The following STON2 variants were observed in gnomAD, a reference collection of about 807,000 sequenced individuals.
STON2 encodes the protein stonin 2.
STON2 carries 29 observed loss-of-function variants against 65.7 expected under a neutral mutation model. The observed-to-expected ratio is 0.44, with a 90% CI of 0.33 to 0.60. The LOEUF (loss-of-function observed/expected upper bound fraction) is 0.60, where lower values mean the gene tolerates loss of function less well. STON2 is among the 20% of genes least tolerant of loss of function. The pLI is 0.03. For synonymous variants in STON2, 404 were observed against 414.2 expected (o/e 0.98, Z 0.30); for missense variants, 1,054 against 1,118.1 (o/e 0.94, Z 0.82).
intron 3 of STON2, among the ~76,000 whole-genome samples, chr14:81,374,586 AG>A (rs1899165379): frequency 1.3e-5 from 2 of 151,308 alleles, no homozygotes; most frequent in African/African-American, 4.9e-5. Flanking sequence ...AAATAAGAAA[AG>A]AAATTAAAAA....
At chr14:81,284,212 G>A (rs1356390767) in intron 5 of STON2, among the ~76,000 whole-genome samples, 2 of 152,184 alleles carry the variant, frequency 1.3e-5, no homozygotes, top group Non-Finnish European at 2.9e-5. Flanking sequence ...GTATTCAGAT[G>A]AAGAGTTATA....
intron 3 of STON2, among the ~76,000 whole-genome samples, chr14:81,375,577 C>A (rs1415775336): frequency 6.6e-6 from 1 of 151,794 alleles, no homozygotes; most frequent in Non-Finnish European, 1.5e-5. Context: ...TAAGAAATGT[C>A]CATCATCATA....
intron 4 of STON2, among the ~76,000 whole-genome samples, chr14:81,350,425 T>C (rs541541460): frequency 6.6e-6 from 1 of 152,128 alleles, no homozygotes; most frequent in African/African-American, 2.4e-5. Flanking sequence ...CTTTTAACTT[T>C]CTGCATGACT....
chr14:81,316,969 G>A (rs1456501555), intron 5 of STON2, among the ~76,000 whole-genome samples: 3 of 152,108 alleles, frequency 2.0e-5, no homozygotes, highest in Non-Finnish European at 4.4e-5. Flanking sequence ...GCAGTGAGCC[G>A]AGATCGCACC....
intron 4 of STON2, among the ~76,000 whole-genome samples, chr14:81,336,851 T>C (rs1566914750): frequency 6.6e-6 from 1 of 152,142 alleles, no homozygotes; most frequent in Non-Finnish European, 1.5e-5. Flanking sequence ...CCAAAGACGC[T>C]GGGCAGAGAG....
chr14:81,328,187 A>G (rs1193096332), intron 4 of STON2, among the ~76,000 whole-genome samples: 1 of 152,146 alleles, frequency 6.6e-6, no homozygotes, highest in East Asian at 1.9e-4. Flanking sequence ...ATATCAAGTG[A>G]GTAACTTCAG....
At chr14:81,370,544 G>A (rs1235496386) in intron 4 of STON2, among the ~76,000 whole-genome samples, 3 of 152,210 alleles carry the variant, frequency 2.0e-5, no homozygotes, top group African/African-American at 7.2e-5. Context: ...CACAGTGGCT[G>A]AGTGTTGATT....
intron 5 of STON2, among the ~76,000 whole-genome samples, chr14:81,309,533 C>G (rs1391093846): frequency 1.3e-5 from 2 of 151,878 alleles, no homozygotes; most frequent in Non-Finnish European, 2.9e-5. Flanking sequence ...TTAATAAATC[C>G]CTAGGTCTAG....
At chr14:81,340,494 G>C (rs1006953006) in intron 4 of STON2, among the ~76,000 whole-genome samples, 15 of 152,306 alleles carry the variant, frequency 9.8e-5, no homozygotes, top group Non-Finnish European at 1.9e-4. Flanking sequence ...AAAATCAGGG[G>C]AGATGAGCAC....
intron 6 of STON2, 46 bp from the exon 7 acceptor site, chr14:81,270,918 G>C: frequency 1.9e-6 from 3 of 1,590,998 alleles, no homozygotes; most frequent in African/African-American, 1.3e-5. Context: ...TGGGGAGAAA[G>C]TGGAAGGAGC....
intron 7 of STON2, among the ~76,000 whole-genome samples, chr14:81,268,856 C>T (rs1894460416): frequency 6.6e-6 from 1 of 152,152 alleles, no homozygotes; most frequent in Non-Finnish European, 1.5e-5. Flanking sequence ...TGTCTGGCTC[C>T]ACTATACCAT....
intron 2 of STON2, among the ~76,000 whole-genome samples, chr14:81,424,184 C>T (rs1901853336): frequency 6.6e-6 from 1 of 152,128 alleles, no homozygotes; most frequent in Non-Finnish European, 1.5e-5. Context: ...TGGCTCATGC[C>T]TATAATCCCA....
chr14:81,265,972 TTAA>T lies in STON2; in HGVS notation c.*2439_*2441del. The T allele has an allele frequency of 1.0e-6, 1 of 985,388 alleles. No individual in the cohort carries two copies. Among genetic ancestry groups the T allele is most frequent in the Non-Finnish European group, 1.2e-6 (1 of 829,920 alleles). The allele number at this position is 985,388 out of a possible 1,614,324, so 61.0% of individuals were successfully genotyped here. A position where few individuals can be genotyped will look rare whatever the true frequency, so the allele number is the denominator to read the frequency against. ...ATCCATTTAGATGTTCTATGAGGAATTAATCTCAAAAGCCTTCAGTACAACAGG... is the reference window on the plus strand; with the variant it reads ...ATCCATTTAGATGTTCTATGAGGAATTCTCAAAAGCCTTCAGTACAACAGG... On this transcript the variant is annotated 3_prime_UTR_variant, in exon 8 of 8. Coordinates refer to ENST00000614646, the MANE Select transcript of STON2 (RefSeq NM_001394390.1).
Position 81,265,024 on chromosome 14 carries a change from G to T in STON2, c.*3390C>A. The T allele has an allele frequency of 4.1e-6, 4 of 978,994 alleles. No homozygotes were observed. Among genetic ancestry groups the T allele is most frequent in the Non-Finnish European group, 3.6e-6 (3 of 824,848 alleles). 60.6% of individuals were successfully genotyped at this position (978,994 alleles called of 1,614,324 possible). The stretch of plus-strand genomic sequence containing the variant: ...GAGTAATACTATGTACTGGTAAAAT[G>T]AATTCATTTTTAATATTTTCACATT... On this transcript the variant is annotated 3_prime_UTR_variant, in exon 8 of 8. Transcript: ENST00000614646.
At chr14:81,269,391 C>T in intron 7 of STON2, 2 of 985,372 alleles carry the variant, frequency 2.0e-6, no homozygotes, top group Non-Finnish European at 2.4e-6. Context: ...CTGCAAAATA[C>T]TGTCACTGTA....
In STON2 at chr14:81,378,408, G is replaced by T. The variant is rs1899354650; in HGVS notation, c.374-7223C>A. Among the ~76,000 whole-genome samples the T allele has an allele frequency of 2.0e-5, 3 of 151,184 alleles. No homozygotes were observed. In the South Asian group the frequency reaches 6.3e-4, roughly 32 times the overall value. On this transcript the variant is annotated intron_variant, in intron 3 of 7. Transcript: ENST00000614646. Reference sequence around the variant, plus strand: ...TTTTTCATATTTTCATAGAGATGGGGTTTCACTATGTTTCCCGGGCTGGTC... The same window carrying T: ...TTTTTCATATTTTCATAGAGATGGGTTTTCACTATGTTTCCCGGGCTGGTC...
At chr14:81,420,158 G>A (rs922225627) in intron 2 of STON2, among the ~76,000 whole-genome samples, 1 of 152,228 alleles carries the variant, frequency 6.6e-6, no homozygotes, top group African/African-American at 2.4e-5. Context: ...CTGAAGTAGT[G>A]AAAGGACCTG....
At chr14:81,341,766 A>G (rs9944060) in intron 4 of STON2, among the ~76,000 whole-genome samples, 2,140 of 152,316 alleles carry the variant, frequency 0.014, 45 homozygotes, top group African/African-American at 0.049. Context: ...GAAGTAAGAA[A>G]GCTTTCAACA....
chr14:81,426,053 TG>T (rs1422070039), intron 2 of STON2, among the ~76,000 whole-genome samples: 2 of 152,210 alleles, frequency 1.3e-5, no homozygotes, highest in African/African-American at 4.8e-5. Flanking sequence ...CATAAAGTGG[TG>T]AACAGCTTCA....
Sources: gnomAD v4.1 joint callset for allele counts (sites outside exome capture counted in the v4.1 genomes callset) on GRCh38, gnomAD v4.1.1 for gene constraint, MANE v1.5 for transcripts, NCBI Gene and HGNC (gene_info 2026-07-23, HGNC 2026-07-21) for gene names.